Variants in RAB11FIP3 observed in about 807,000 individuals in gnomAD.
RAB11FIP3 encodes RAB11 family interacting protein 3.
Under a neutral mutation model 77.8 loss-of-function variants are expected in RAB11FIP3, and 17 were observed. The ratio of observed to expected loss-of-function variants is 0.22; its 90% CI spans 0.15 to 0.33. The LOEUF (loss-of-function observed/expected upper bound fraction) is 0.33. Ranked by LOEUF, RAB11FIP3 falls within the 10% of genes least tolerant of loss-of-function variation. The pLI is 1.00. For missense variants in RAB11FIP3, 1,005 were observed against 1,011.2 expected, an observed-to-expected ratio of 0.99 and a Z score of 0.08; for synonymous variants, 437 against 448.2, an observed-to-expected ratio of 0.98 and a Z score of 0.31.
intron 8 of RAB11FIP3, among the ~76,000 whole-genome samples, chr16:509,978 C>G (rs539410583): frequency 6.6e-6 from 1 of 152,248 alleles, no homozygotes; most frequent in Non-Finnish European, 1.5e-5. Flanking sequence ...ATCAGACACT[C>G]ACTTCCTGGA....
rs894271581 is a variant in RAB11FIP3 at position 491,305 on chromosome 16, A to G, written c.1265+2305A>G. On this transcript the variant is annotated intron_variant, in intron 5 of 13. Transcript: ENST00000262305. ...GCGCCTGGCCTTGCTGTCTGTTCCC[A>G]GGGTGTGGGGGACTCCGGATACCCA... is the stretch of plus-strand genomic sequence containing the variant. The G allele has an allele frequency of 3.9e-6, 5 of 1,295,308 alleles. No homozygotes were observed. The African/African-American group carries it at 7.6e-5, about 20-fold the overall frequency. The allele number at this position is 1,295,308 out of a possible 1,614,324, so 80.2% of individuals were successfully genotyped here. A position where few individuals can be genotyped will look rare whatever the true frequency, so the allele number is the denominator to read the frequency against.
intron 4 of RAB11FIP3, among the ~76,000 whole-genome samples, chr16:485,420 GT>G (rs35138712): frequency 1.3e-5 from 2 of 151,896 alleles, no homozygotes; most frequent in African/African-American, 2.4e-5. Flanking sequence ...TTTTGTTTCT[GT>G]TTTTTTGTCA....
At chr16:444,466 C>T (rs764881338) in intron 1 of RAB11FIP3, among the ~76,000 whole-genome samples, 18 of 152,292 alleles carry the variant, frequency 1.2e-4, no homozygotes, top group Non-Finnish European at 2.4e-4. Flanking sequence ...GATAGCTGTT[C>T]GGCCTGCAGA....
chr16:439,380 AC>A (rs1185391939), intron 1 of RAB11FIP3: 2 of 152,216 alleles, frequency 1.3e-5, no homozygotes, highest in Non-Finnish European at 2.9e-5. Context: ...TGTAAACACC[AC>A]TGCACTAGGA....
At chr16:477,542 C>T in intron 3 of RAB11FIP3, 2 of 823,682 alleles carry the variant, frequency 2.4e-6, no homozygotes, top group South Asian at 1.1e-4. Flanking sequence ...GCCTGCTTTC[C>T]TGGCCACTCC....
In RAB11FIP3 at chr16:461,976, A is replaced by G. The variant is rs1254234405; in HGVS notation, c.808+479A>G. 6.6e-6 allele frequency among the ~76,000 whole-genome samples: 1 copy of G among 152,168 alleles called. No individual in the cohort carries two copies. On this transcript the variant is annotated intron_variant, in intron 2 of 13. Coordinates refer to ENST00000262305, the MANE Select transcript of RAB11FIP3 (RefSeq NM_014700.4). The surrounding 1 kb of genome is among the most constrained non-coding windows in gnomAD (Gnocchi z 4.5). ...CCTGAACACTGCAGCCCGTACCACCATCGTTCCCTAGAGCTCAGTGTTTGT... is the reference window on the plus strand; with the variant it reads ...CCTGAACACTGCAGCCCGTACCACCGTCGTTCCCTAGAGCTCAGTGTTTGT...
chr16:439,062 C>T (rs1454390566), intron 1 of RAB11FIP3, among the ~76,000 whole-genome samples: 1 of 152,198 alleles, frequency 6.6e-6, no homozygotes, highest in Non-Finnish European at 1.5e-5. Flanking sequence ...CAACTCACTG[C>T]AGCCTTGAAC....
At position 426,829 on chromosome 16, in the gene RAB11FIP3, C is replaced by G. The variant is rs954319644; in HGVS notation, c.714+109C>G. On this transcript the variant is annotated intron_variant, in intron 1 of 13. Transcript: ENST00000262305. The surrounding 1 kb of genome is among the most constrained non-coding windows in gnomAD (Gnocchi z 5.0). ...CCCCTGGAGTCGGGAAAGGCACTGT[C>G]AAGACCTGACGGTCCTGCTTTTTCT... 3.6e-6 allele frequency: 3 copies of G among 842,080 alleles called. No individual in the cohort carries two copies. The Admixed American group carries it at 1.1e-4, about 30-fold the overall frequency. The allele number at this position is 842,080 out of a possible 1,614,324, so 52.2% of individuals were successfully genotyped here. A position where few individuals can be genotyped will look rare whatever the true frequency, so the allele number is the denominator to read the frequency against.
At chr16:492,425 C>CCAGGGCCCTT (rs2030510974) in intron 5 of RAB11FIP3, among the ~76,000 whole-genome samples, 1 of 43,226 alleles carries the variant, frequency 2.3e-5, no homozygotes, top group Admixed American at 2.1e-4. Context: ...CCAGGGCCCT[C>CCAGGGCCCTT]CCCGGGAGAC....
chr16:493,387 G>A (rs189308419), intron 5 of RAB11FIP3, among the ~76,000 whole-genome samples: 1 of 152,124 alleles, frequency 6.6e-6, no homozygotes, highest in African/African-American at 2.4e-5. Flanking sequence ...TTGCGTTTTA[G>A]TTTCCATGGA....
intron 4 of RAB11FIP3, among the ~76,000 whole-genome samples, chr16:483,124 G>T (rs2056080331): frequency 6.6e-6 from 1 of 152,114 alleles, no homozygotes; most frequent in Non-Finnish European, 1.5e-5. Flanking sequence ...GATTTCTGTA[G>T]CCCCCGTATT....
At chr16:515,755 G>T (rs1015670449) in intron 9 of RAB11FIP3, among the ~76,000 whole-genome samples, 10 of 152,082 alleles carry the variant, frequency 6.6e-5, no homozygotes, top group Admixed American at 2.0e-4. Flanking sequence ...TTGCATCTCG[G>T]AACAGCCACA....
At chr16:491,745 A>C (rs2030213217) in intron 5 of RAB11FIP3, among the ~76,000 whole-genome samples, 1 of 152,118 alleles carries the variant, frequency 6.6e-6, no homozygotes, top group Non-Finnish European at 1.5e-5. Flanking sequence ...CCTCATGTCT[A>C]ACTCCCAGTT....
chr16:437,480 G>C (rs1235385830), intron 1 of RAB11FIP3, among the ~76,000 whole-genome samples: 1 of 146,048 alleles, frequency 6.8e-6, no homozygotes, highest in African/African-American at 2.5e-5. Flanking sequence ...TGAGGCAGGA[G>C]AATCACTTGA....
intron 1 of RAB11FIP3, among the ~76,000 whole-genome samples, chr16:443,332 A>C (rs1356612500): frequency 6.6e-6 from 1 of 152,260 alleles, no homozygotes. Flanking sequence ...CACGCTTAAA[A>C]TAAAAACATG....
At chr16:431,982 C>T (rs1197106653) in intron 1 of RAB11FIP3, among the ~76,000 whole-genome samples, 1 of 152,052 alleles carries the variant, frequency 6.6e-6, no homozygotes, top group Non-Finnish European at 1.5e-5. Flanking sequence ...TGGTCTTGAT[C>T]TCCTGACCGC....
At chr16:458,716 G>T (rs895099487) in intron 1 of RAB11FIP3, among the ~76,000 whole-genome samples, 1 of 151,186 alleles carries the variant, frequency 6.6e-6, no homozygotes, top group South Asian at 2.1e-4. Context: ...CCCTGTCCCT[G>T]AGCATTTTCA....
At chr16:482,096 G>A (rs1237365257) in intron 3 of RAB11FIP3, among the ~76,000 whole-genome samples, 1 of 73,160 alleles carries the variant, frequency 1.4e-5, no homozygotes, top group Non-Finnish European at 2.6e-5. Flanking sequence ...CCGCACCTGG[G>A]CAAGCTCCTC....
intron 8 of RAB11FIP3, chr16:510,426 C>T: frequency 1.9e-6 from 1 of 516,276 alleles, no homozygotes; most frequent in East Asian, 3.3e-5. Flanking sequence ...GGCCTAGGTG[C>T]AGTGGACACT....
Sources: allele counts gnomAD v4.1 joint callset (sites outside exome capture counted in the v4.1 genomes callset), GRCh38; gene constraint gnomAD v4.1.1; non-coding constraint Gnocchi (gnomAD v3.1); transcripts MANE v1.5; gene names NCBI Gene and HGNC (gene_info 2026-07-23, HGNC 2026-07-21).